The following ARK2C variants were observed in gnomAD, a reference collection of about 807,000 sequenced individuals.
ARK2C encodes the protein E3 ubiquitin-protein ligase ARK2C.
chr18:46,450,515 G>T, the ARK2C span: 2 of 895,710 alleles, frequency 2.2e-6, no homozygotes, highest in South Asian at 2.8e-5. Flanking sequence ...GAAGCTTCAG[G>T]GTTAAGAGTA....
the ARK2C span, among the ~76,000 whole-genome samples, chr18:46,446,009 T>C: frequency 6.6e-6 from 1 of 152,196 alleles, no homozygotes. Flanking sequence ...TCACTTAAGA[T>C]GTTCCTTAGT....
the ARK2C span, among the ~76,000 whole-genome samples, chr18:46,432,564 C>T: frequency 2.6e-5 from 4 of 152,242 alleles, no homozygotes; most frequent in East Asian, 7.7e-4. Flanking sequence ...GGTCAGTGGG[C>T]TTGCATAGGA....
At chr18:46,352,520 CAG>C in the ARK2C span, among the ~76,000 whole-genome samples, 1 of 152,208 alleles carries the variant, frequency 6.6e-6, no homozygotes, top group East Asian at 1.9e-4. Flanking sequence ...TAGCAACTCT[CAG>C]AACAGCCTAG....
the ARK2C span, among the ~76,000 whole-genome samples, chr18:46,439,052 G>A: frequency 6.6e-6 from 1 of 152,222 alleles, no homozygotes; most frequent in Non-Finnish European, 1.5e-5. Context: ...GTCTGTGAGA[G>A]TGACTGGCAG....
chr18:46,389,036 C>T, the ARK2C span, among the ~76,000 whole-genome samples: 1 of 152,164 alleles, frequency 6.6e-6, no homozygotes, highest in Non-Finnish European at 1.5e-5. Flanking sequence ...CCTATCTTGG[C>T]TCAAGGTCCA....
the ARK2C span, among the ~76,000 whole-genome samples, chr18:46,371,743 T>C: frequency 1.3e-5 from 2 of 152,188 alleles, no homozygotes; most frequent in Non-Finnish European, 2.9e-5. Flanking sequence ...TTCCCAGTGA[T>C]ACAGATGAGG....
chr18:46,426,602 C>A, the ARK2C span, among the ~76,000 whole-genome samples: 1 of 152,180 alleles, frequency 6.6e-6, no homozygotes, highest in African/African-American at 2.4e-5. Context: ...CAGCTCCTGG[C>A]CAATTCTCAG....
chr18:46,427,832 A>T, the ARK2C span, among the ~76,000 whole-genome samples: 1 of 152,124 alleles, frequency 6.6e-6, no homozygotes, highest in Admixed American at 6.5e-5. Context: ...GTGCCAAAGG[A>T]GTGGGAGAGA....
chr18:46,345,180 G>A, the ARK2C span, among the ~76,000 whole-genome samples: 2 of 151,730 alleles, frequency 1.3e-5, no homozygotes, highest in Non-Finnish European at 2.9e-5. Context: ...AGGGACAACT[G>A]GAAGGAAGTT....
At chr18:46,412,288 G>A in the ARK2C span, among the ~76,000 whole-genome samples, 1 of 152,374 alleles carries the variant, frequency 6.6e-6, no homozygotes, top group Non-Finnish European at 1.5e-5. Context: ...GGGCTGGTTT[G>A]GGCTGGTTGC....
At chr18:46,341,364 ACAT>A in the ARK2C span, among the ~76,000 whole-genome samples, 2 of 151,966 alleles carry the variant, frequency 1.3e-5, no homozygotes, top group Admixed American at 6.5e-5. Context: ...AAGATGGCTC[ACAT>A]CAGGGAGTTT....
At chr18:46,353,042 G>A in the ARK2C span, among the ~76,000 whole-genome samples, 2 of 152,242 alleles carry the variant, frequency 1.3e-5, no homozygotes, top group East Asian at 3.9e-4. Flanking sequence ...TAGGAAGTGA[G>A]AAGCCATCCT....
At chr18:46,445,906 T>G in the ARK2C span, among the ~76,000 whole-genome samples, 6 of 151,474 alleles carry the variant, frequency 4.0e-5, no homozygotes, top group East Asian at 1.2e-3. Flanking sequence ...CATATCCTTT[T>G]TTTTTTTTCT....
chr18:46,406,018 CT>C, the ARK2C span, among the ~76,000 whole-genome samples: 2 of 152,116 alleles, frequency 1.3e-5, no homozygotes, highest in African/African-American at 4.8e-5. Context: ...ATACATACCC[CT>C]GTGTGTGTGT....
chr18:46,410,837 G>C, the ARK2C span, among the ~76,000 whole-genome samples: 6 of 152,320 alleles, frequency 3.9e-5, no homozygotes, highest in South Asian at 8.3e-4. Context: ...CATGAAAGTG[G>C]TCAGCAAGTC....
chr18:46,456,389 G>A, the ARK2C span: 1 of 721,544 alleles, frequency 1.4e-6, no homozygotes. Context: ...GAGGCTTCAT[G>A]GTTTCCCATC....
the ARK2C span, among the ~76,000 whole-genome samples, chr18:46,454,773 A>T: frequency 2.0e-5 from 3 of 152,182 alleles, no homozygotes; most frequent in African/African-American, 7.2e-5. Context: ...AGAATGAGTA[A>T]TTTTCTTCTT....
At chr18:46,455,855 A>T in the ARK2C span, 4 of 630,062 alleles carry the variant, frequency 6.3e-6, no homozygotes, top group Non-Finnish European at 8.5e-6. Context: ...CAAAACAAAC[A>T]AAAAAAGAAA....
At chr18:46,430,242 T>C in the ARK2C span, among the ~76,000 whole-genome samples, 3 of 152,206 alleles carry the variant, frequency 2.0e-5, no homozygotes, top group South Asian at 2.1e-4. Context: ...TAATTCTAGA[T>C]TGGAAATCAC....
Sources: allele counts gnomAD v4.1 joint callset (sites outside exome capture counted in the v4.1 genomes callset), GRCh38; gene constraint gnomAD v4.1.1; transcripts MANE v1.5; gene names NCBI Gene and HGNC (gene_info 2026-07-23, HGNC 2026-07-21).